The following SIRT5 variants were observed in gnomAD, a reference collection of about 807,000 sequenced individuals.
The protein encoded by SIRT5 is sirtuin 5.
Under a neutral mutation model 40.0 loss-of-function variants are expected in SIRT5, and 26 were observed. That is an observed-to-expected ratio of 0.65 (90% CI 0.48 to 0.90). The LOEUF (loss-of-function observed/expected upper bound fraction) is 0.90. Among genes scored for constraint, SIRT5 ranks in the 40% least tolerant of loss-of-function variants. The probability of loss-of-function intolerance (pLI) is 0.00; values close to 1 mark genes in which losing one functional copy is unlikely to be tolerated. For synonymous variants in SIRT5, 146 were observed against 149.1 expected (o/e 0.98, Z 0.15); for missense variants, 401 against 402.4 (o/e 1.00, Z 0.03).
intron 9 of SIRT5, among the ~76,000 whole-genome samples, chr6:13,608,931 T>C (rs1763478783): frequency 6.6e-6 from 1 of 152,128 alleles, no homozygotes; most frequent in Non-Finnish European, 1.5e-5. Context: ...AAGCGATTCT[T>C]CTGCCTCAGC....
At chr6:13,595,240 G>A (rs72829106) in intron 5 of SIRT5, among the ~76,000 whole-genome samples, 29,332 of 152,154 alleles carry the variant, frequency 0.19, 3,592 homozygotes, top group Non-Finnish European at 0.27. Context: ...TCAGTGTGGC[G>A]GTGCACACCT....
At position 13,612,697 on chromosome 6, in the gene SIRT5, C is replaced by T. The variant is rs1173859484; in HGVS notation, c.*832C>T. On this transcript the variant is annotated 3_prime_UTR_variant, in exon 10 of 10. Coordinates refer to ENST00000606117, the MANE Select transcript of SIRT5 (RefSeq NM_012241.5). Reference sequence around the variant, plus strand: ...TTACCTCAGTGAACAAGGGGAAGCTCACAACAGGAACTCACACAAAGAAGG... The same window carrying T: ...TTACCTCAGTGAACAAGGGGAAGCTTACAACAGGAACTCACACAAAGAAGG... The T allele has an allele frequency of 2.0e-5, 3 of 152,276 alleles. No individual in the cohort carries two copies. The highest frequency in any genetic ancestry group is 4.4e-5 in the Non-Finnish European group (3 of 68,084). 9.4% of individuals were successfully genotyped at this position (152,276 alleles called of 1,614,324 possible). A position where few individuals can be genotyped will look rare whatever the true frequency, so the allele number is the denominator to read the frequency against.
intron 2 of SIRT5, among the ~76,000 whole-genome samples, chr6:13,582,636 C>T (rs1759498943): frequency 6.6e-6 from 1 of 150,994 alleles, no homozygotes; most frequent in African/African-American, 2.4e-5. Flanking sequence ...AAAAAATTCC[C>T]GCATGCCCCT....
intron 8 of SIRT5, among the ~76,000 whole-genome samples, chr6:13,600,297 AT>A (rs1177133878): frequency 6.6e-6 from 1 of 152,178 alleles, no homozygotes; most frequent in African/African-American, 2.4e-5. Flanking sequence ...TTGATGATGG[AT>A]TGTTAAATGA....
At chr6:13,604,651 C>G (rs1057400076) in intron 9 of SIRT5, 1 of 1,423,324 alleles carries the variant, frequency 7.0e-7, no homozygotes, top group Non-Finnish European at 9.1e-7. Flanking sequence ...AGCAGGGGCC[C>G]AGCATCCCTT....
At chr6:13,598,931 G>A (rs768048359) in intron 7 of SIRT5, 101 bp from the exon 8 acceptor site, 63 of 1,416,142 alleles carry the variant, frequency 4.4e-5, no homozygotes, top group Non-Finnish European at 5.8e-5. Flanking sequence ...CATCAGAGGT[G>A]ACCCATCTGG....
At chr6:13,601,499 TTCTG>T (rs1259740938) in intron 9 of SIRT5, among the ~76,000 whole-genome samples, 13 of 152,216 alleles carry the variant, frequency 8.5e-5, no homozygotes, top group African/African-American at 2.7e-4. Context: ...TTCATCCATG[TTCTG>T]TCTTTTTTCT....
At chr6:13,605,698 C>A (rs1359863202) in intron 9 of SIRT5, 8 of 985,426 alleles carry the variant, frequency 8.1e-6, no homozygotes, top group Non-Finnish European at 9.6e-6. Context: ...TTCTGATAAA[C>A]CCTGACTATT....
At chr6:13,592,303 G>A (rs1404116745) in intron 5 of SIRT5, among the ~76,000 whole-genome samples, 3 of 152,208 alleles carry the variant, frequency 2.0e-5, no homozygotes, top group African/African-American at 7.2e-5. Flanking sequence ...GTGCACAGCT[G>A]CGTGACCCTT....
intron 1 of SIRT5, among the ~76,000 whole-genome samples, chr6:13,575,828 C>T (rs1336682799): frequency 6.6e-6 from 1 of 152,166 alleles, no homozygotes; most frequent in African/African-American, 2.4e-5. Flanking sequence ...CTGCCAGGCC[C>T]CTGGTAACCA....
At chr6:13,600,283 A>T (rs1200440209) in intron 8 of SIRT5, among the ~76,000 whole-genome samples, 16 of 152,204 alleles carry the variant, frequency 1.1e-4, no homozygotes, top group Admixed American at 1.0e-3. Flanking sequence ...GTATAGTGCC[A>T]CTGTTGATGA....
intron 4 of SIRT5, chr6:13,589,591 A>G (rs1441931287): frequency 1.3e-5 from 2 of 152,280 alleles, no homozygotes; most frequent in Non-Finnish European, 1.5e-5. Flanking sequence ...TGCAGAGTTC[A>G]TGAAGCTGCC....
At chr6:13,585,609 A>G (rs1370786284) in intron 3 of SIRT5, among the ~76,000 whole-genome samples, 1 of 152,162 alleles carries the variant, frequency 6.6e-6, no homozygotes, top group African/African-American at 2.4e-5. Context: ...TCCATGGTGT[A>G]TATTTGCCAC....
Position 13,588,278 on chromosome 6 carries a change from G to A in SIRT5, c.116-53G>A, listed in dbSNP as rs1760341493. ...TTCAAGATACAGACAATTGATATGGGATACAAATGTCCAAACTGTACACTG... is the reference window on the plus strand; with the variant it reads ...TTCAAGATACAGACAATTGATATGGAATACAAATGTCCAAACTGTACACTG... On this transcript the variant is annotated intron_variant, in intron 3 of 9. Coordinates refer to ENST00000606117, the MANE Select transcript of SIRT5 (RefSeq NM_012241.5). 6.3e-6 allele frequency: 10 copies of A among 1,577,572 alleles called. No individual in the cohort carries two copies. The East Asian group carries it at 9.0e-5, about 14-fold the overall frequency.
intron 1 of SIRT5, among the ~76,000 whole-genome samples, 187 bp from the exon 2 acceptor site, chr6:13,579,264 C>T (rs1276056122): frequency 6.6e-6 from 1 of 152,156 alleles, no homozygotes; most frequent in African/African-American, 2.4e-5. Context: ...TCTTAAAATA[C>T]TTTGTAGTCG....
Position 13,612,016 on chromosome 6 carries a change from G to C in SIRT5, c.*151G>C, listed in dbSNP as rs961367554. The C allele has an allele frequency of 1.6e-6, 1 of 623,460 alleles. No individual in the cohort carries two copies. The highest frequency in any genetic ancestry group is 4.2e-4 in the Middle Eastern group (1 of 2,376). The allele number at this position is 623,460 out of a possible 1,614,324, so 38.6% of individuals were successfully genotyped here. ...GAATCCAACCTGTTGATAAGTGATG[G>C]GGGTTTAGAAGTAGCAAAGAGCACC... On this transcript the variant is annotated 3_prime_UTR_variant, in exon 10 of 10. Transcript: ENST00000606117.
intron 9 of SIRT5, among the ~76,000 whole-genome samples, chr6:13,609,815 G>A (rs913146149): frequency 2.0e-5 from 3 of 152,136 alleles, no homozygotes; most frequent in Non-Finnish European, 4.4e-5. Context: ...GGCTTTACCC[G>A]TGTCTTTTAT....
chr6:13,598,681 T>C (rs187851981), intron 7 of SIRT5, among the ~76,000 whole-genome samples: 10 of 152,014 alleles, frequency 6.6e-5, no homozygotes, highest in African/African-American at 2.2e-4. Context: ...ATACGAAAAT[T>C]AGCTGGGTGT....
At chr6:13,604,944 C>T in intron 9 of SIRT5, 1 of 992,944 alleles carries the variant, frequency 1.0e-6, no homozygotes, top group Non-Finnish European at 1.2e-6. Context: ...GTCATCTCAT[C>T]AATGAAGGAG....
Sources: gnomAD v4.1 joint callset for allele counts (sites outside exome capture counted in the v4.1 genomes callset) on GRCh38, gnomAD v4.1.1 for gene constraint, MANE v1.5 for transcripts, NCBI Gene and HGNC (gene_info 2026-07-23, HGNC 2026-07-21) for gene names.